SCHIP1: variants seen among roughly 807,000 people sequenced by gnomAD.
SCHIP1 encodes schwannomin interacting protein 1.
In SCHIP1, 8 loss-of-function variants were observed where a neutral mutation model predicts 29.7. The ratio of observed to expected loss-of-function variants is 0.27; its 90% CI spans 0.16 to 0.49. The LOEUF is 0.49. Ranked by LOEUF, SCHIP1 falls within the 20% of genes least tolerant of loss-of-function variation. The pLI, the probability that SCHIP1 is intolerant of heterozygous loss-of-function variation, is 0.99. For missense variants in SCHIP1, 193 were observed against 294.6 expected, an observed-to-expected ratio of 0.66 and a Z score of 2.52; for synonymous variants, 76 against 94.9, an observed-to-expected ratio of 0.80 and a Z score of 1.16.
chr3:159,729,326 T>C, the SCHIP1 span, among the ~76,000 whole-genome samples: 3 of 152,196 alleles, frequency 2.0e-5, no homozygotes, highest in African/African-American at 7.2e-5. Flanking sequence ...AATGGTGCCA[T>C]TGTTTAACAT....
At chr3:159,780,973 C>G in the SCHIP1 span, among the ~76,000 whole-genome samples, 2 of 152,054 alleles carry the variant, frequency 1.3e-5, no homozygotes, top group Admixed American at 1.3e-4. Context: ...ATCAGCAGCT[C>G]CAGGAATCAG....
chr3:159,402,946 A>C, the SCHIP1 span, among the ~76,000 whole-genome samples: 1 of 151,186 alleles, frequency 6.6e-6, no homozygotes, highest in Non-Finnish European at 1.5e-5. Flanking sequence ...ATAATAATAA[A>C]AGAAAAAAAA....
the SCHIP1 span, among the ~76,000 whole-genome samples, chr3:159,740,916 G>A: frequency 6.6e-6 from 1 of 152,040 alleles, no homozygotes. Context: ...ACCCTGATGT[G>A]CTCTGAGTGG....
At chr3:159,686,614 G>A in the SCHIP1 span, among the ~76,000 whole-genome samples, 338 of 152,188 alleles carry the variant, frequency 2.2e-3, 1 homozygote, top group African/African-American at 7.9e-3. Context: ...ATACAGGAAG[G>A]CACAAGAATC....
the SCHIP1 span, among the ~76,000 whole-genome samples, chr3:159,388,176 G>A: frequency 6.6e-6 from 1 of 151,986 alleles, no homozygotes; most frequent in African/African-American, 2.4e-5. Flanking sequence ...TTTTTTATAA[G>A]GAGTATGAAA....
At chr3:159,755,815 A>T in the SCHIP1 span, among the ~76,000 whole-genome samples, 1 of 152,246 alleles carries the variant, frequency 6.6e-6, no homozygotes, top group Admixed American at 6.5e-5. Flanking sequence ...GGCCAAAACA[A>T]AGGGTCTACA....
At chr3:159,371,031 A>G in the SCHIP1 span, among the ~76,000 whole-genome samples, 194 of 136,876 alleles carry the variant, frequency 1.4e-3, 2 homozygotes, top group South Asian at 0.029. Context: ...AGAATAATAT[A>G]CTGGCTTATC....
chr3:159,494,279 A>AC, the SCHIP1 span, among the ~76,000 whole-genome samples: 3 of 152,204 alleles, frequency 2.0e-5, no homozygotes, highest in Non-Finnish European at 2.9e-5. Flanking sequence ...AAATAGAGAC[A>AC]CAAAAAACTC....
chr3:159,829,596 C>A, the SCHIP1 span, among the ~76,000 whole-genome samples: 1 of 152,170 alleles, frequency 6.6e-6, no homozygotes, highest in Non-Finnish European at 1.5e-5. Flanking sequence ...TTTTCGACGT[C>A]AGCATATTTA....
At chr3:159,363,588 C>T in the SCHIP1 span, among the ~76,000 whole-genome samples, 1 of 152,262 alleles carries the variant, frequency 6.6e-6, no homozygotes, top group African/African-American at 2.4e-5. Context: ...ATGAAATTGT[C>T]ATGCTTTACT....
At chr3:159,464,152 C>T in the SCHIP1 span, among the ~76,000 whole-genome samples, 1 of 152,102 alleles carries the variant, frequency 6.6e-6, no homozygotes, top group African/African-American at 2.4e-5. Context: ...AAAATTTTAG[C>T]AGCAGTGAGA....
the SCHIP1 span, among the ~76,000 whole-genome samples, chr3:159,604,488 T>A: frequency 6.6e-6 from 1 of 152,072 alleles, no homozygotes; most frequent in East Asian, 1.9e-4. Context: ...CATTGCTGAG[T>A]GGCTTCTCTG....
At chr3:159,332,538 A>C in the SCHIP1 span, among the ~76,000 whole-genome samples, 1 of 152,180 alleles carries the variant, frequency 6.6e-6, no homozygotes, top group Non-Finnish European at 1.5e-5. Context: ...AAATGTGTTC[A>C]CAGGTGGCAT....
the SCHIP1 span, among the ~76,000 whole-genome samples, chr3:159,519,017 C>T: frequency 6.6e-6 from 1 of 151,924 alleles, no homozygotes; most frequent in Non-Finnish European, 1.5e-5. Flanking sequence ...AGATGACTTC[C>T]ATTTAAGAAA....
At chr3:159,616,071 T>G in the SCHIP1 span, among the ~76,000 whole-genome samples, 2 of 151,512 alleles carry the variant, frequency 1.3e-5, no homozygotes, top group Non-Finnish European at 2.9e-5. Flanking sequence ...GATGGGAATG[T>G]GGGGGACAAG....
At chr3:159,622,550 A>C in the SCHIP1 span, among the ~76,000 whole-genome samples, 1 of 152,170 alleles carries the variant, frequency 6.6e-6, no homozygotes, top group South Asian at 2.1e-4. Flanking sequence ...AATCCTTACA[A>C]GTGAATGCTC....
chr3:159,395,413 G>A, the SCHIP1 span, among the ~76,000 whole-genome samples: 1 of 151,926 alleles, frequency 6.6e-6, no homozygotes, highest in Non-Finnish European at 1.5e-5. Context: ...TGTGATGTTA[G>A]GGTGTCAATT....
chr3:159,567,822 T>G, the SCHIP1 span, among the ~76,000 whole-genome samples: 3 of 152,168 alleles, frequency 2.0e-5, no homozygotes, highest in Non-Finnish European at 4.4e-5. Context: ...GACTATTTTA[T>G]AATCCTTGTT....
the SCHIP1 span, among the ~76,000 whole-genome samples, chr3:159,390,340 T>C: frequency 6.6e-6 from 1 of 152,138 alleles, no homozygotes; most frequent in Non-Finnish European, 1.5e-5. Context: ...GATTTTATTA[T>C]GCCCTGGACA....
Sources: gnomAD v4.1 joint callset for allele counts (sites outside exome capture counted in the v4.1 genomes callset) on GRCh38, gnomAD v4.1.1 for gene constraint, MANE v1.5 for transcripts, NCBI Gene and HGNC (gene_info 2026-07-23, HGNC 2026-07-21) for gene names.